Variants in LGR6 observed in about 807,000 individuals in gnomAD.
The protein encoded by LGR6 is leucine rich repeat containing G protein-coupled receptor 6, also known as leucine-rich repeat-containing G protein-coupled receptor 6.
LGR6 carries 45 observed loss-of-function variants against 69.4 expected under a neutral mutation model. The ratio of observed to expected loss-of-function variants is 0.65; its 90% CI spans 0.51 to 0.83. LGR6 has a LOEUF of 0.83. Ranked by LOEUF, LGR6 falls within the 40% of genes least tolerant of loss-of-function variation. The pLI is 0.00. For synonymous variants in LGR6, 538 were observed against 555.0 expected, an observed-to-expected ratio of 0.97 and a Z score of 0.43; for missense variants, 1,108 against 1,246.7, an observed-to-expected ratio of 0.89 and a Z score of 1.68.
Position 202,303,310 on chromosome 1 carries a change from T to C in LGR6, c.961T>C (p.Phe321Leu). Residue 321 changes from phenylalanine to leucine, a missense_variant, in exon 10 of 18, where the codon TTT (phenylalanine) becomes CTT (leucine). Phe to Leu is a conservative substitution (Grantham distance 22). Transcript: ENST00000367278. ...GAATGGTGCCATGGACATCCAGGAG[T>C]TTCCAGATCTCAAAGGCACCACCAG... ...SLNGAMDIQEFPDLKGTTSLE... is the reference protein window; with the variant it reads ...SLNGAMDIQELPDLKGTTSLE... The C allele has an allele frequency of 6.2e-7, 1 of 1,613,874 alleles. No individual in the cohort carries two copies. The highest frequency in any genetic ancestry group is 8.5e-7 in the Non-Finnish European group (1 of 1,179,896).
intron 6 of LGR6, among the ~76,000 whole-genome samples, chr1:202,290,042 G>C (rs1666680586): frequency 6.6e-6 from 1 of 152,196 alleles, no homozygotes; most frequent in African/African-American, 2.4e-5. Flanking sequence ...CAACTTGCAT[G>C]CTGACTTTTG....
intron 1 of LGR6, among the ~76,000 whole-genome samples, chr1:202,201,299 A>C (rs187856537): frequency 9.3e-4 from 141 of 152,330 alleles, no homozygotes; most frequent in African/African-American, 3.2e-3. Context: ...ATGGCCCCCC[A>C]TAGGTTCAGA....
At chr1:202,205,641 A>AAC (rs67852097) in intron 1 of LGR6, among the ~76,000 whole-genome samples, 23 of 133,498 alleles carry the variant, frequency 1.7e-4, no homozygotes, top group South Asian at 5.0e-4. Context: ...ACCTCCTTCA[A>AAC]ACACACACAC....
At chr1:202,221,685 A>G (rs1660164285) in intron 1 of LGR6, among the ~76,000 whole-genome samples, 1 of 152,088 alleles carries the variant, frequency 6.6e-6, no homozygotes, top group African/African-American at 2.4e-5. Flanking sequence ...CATGACACAC[A>G]CATGCCCAGC....
chr1:202,234,079 G>A (rs1661316492), intron 3 of LGR6, among the ~76,000 whole-genome samples: 1 of 152,246 alleles, frequency 6.6e-6, no homozygotes, highest in Non-Finnish European at 1.5e-5. Flanking sequence ...GCATTGGGTG[G>A]AGCCTGGATT....
At chr1:202,317,773 G>T (rs759710716) in intron 17 of LGR6, among the ~76,000 whole-genome samples, 179 bp from the exon 18 acceptor site, 6 of 152,166 alleles carry the variant, frequency 3.9e-5, no homozygotes, top group Admixed American at 6.5e-5. Context: ...CCTCCAACTT[G>T]GAGTTCTCTG....
At chr1:202,313,848 A>G (rs184089092) in intron 16 of LGR6, among the ~76,000 whole-genome samples, 103 of 152,362 alleles carry the variant, frequency 6.8e-4, no homozygotes, top group African/African-American at 2.4e-3. Flanking sequence ...TGCTAGGAAC[A>G]TTCAAATTAT....
chr1:202,318,524 T>C lies in LGR6; in HGVS notation c.2221T>C (p.Ser741Pro), dbSNP rs1313093505. 2 of 1,614,050 alleles carry C rather than the reference T, an allele frequency of 1.2e-6. No individual in the cohort carries two copies. The highest frequency in any genetic ancestry group is 1.7e-6 in the Non-Finnish European group (2 of 1,179,992). Reference protein sequence around the residue: ...GFTVALVMMNSFCFLVVAGAY... With the variant: ...GFTVALVMMNPFCFLVVAGAY... ...CACCGTGGCCCTGGTGATGATGAAC[T>C]CCTTCTGTTTCCTGGTCGTGGCCGG... is the stretch of plus-strand genomic sequence containing the variant. The change falls in exon 18 of 18, where the codon TCC (serine) becomes CCC (proline). Residue 741 changes from serine to proline, a missense_variant. Ser to Pro is a moderately conservative substitution (Grantham distance 74). Transcript: ENST00000367278.
chr1:202,223,466 C>T (rs996783800), intron 1 of LGR6, among the ~76,000 whole-genome samples: 1 of 152,066 alleles, frequency 6.6e-6, no homozygotes, highest in Non-Finnish European at 1.5e-5. Context: ...AGAAAGCACA[C>T]GCATTTCTTG....
chr1:202,245,274 C>T (rs919195286), intron 4 of LGR6, among the ~76,000 whole-genome samples: 2 of 104,528 alleles, frequency 1.9e-5, no homozygotes, highest in Admixed American at 1.5e-4. Flanking sequence ...TTACCACATA[C>T]GTTTGGGGCA....
At chr1:202,287,654 G>A (rs926531085) in intron 6 of LGR6, among the ~76,000 whole-genome samples, 1 of 152,166 alleles carries the variant, frequency 6.6e-6, no homozygotes, top group Non-Finnish European at 1.5e-5. Context: ...AGTGATGGCA[G>A]CTTTACTCCT....
intron 1 of LGR6, among the ~76,000 whole-genome samples, chr1:202,199,391 T>TG (rs1385587673): frequency 6.6e-6 from 1 of 151,176 alleles, no homozygotes; most frequent in Non-Finnish European, 1.5e-5. Context: ...TCGCCGGAGG[T>TG]GGGTGAATGT....
rs927202065 is a variant in LGR6 at position 202,319,387 on chromosome 1, TG to T, written c.*182del. The T allele has an allele frequency of 1.7e-6, 1 of 600,474 alleles. No homozygotes were observed. The highest frequency in any genetic ancestry group is 3.7e-5 in the Admixed American group (1 of 26,906). 37.2% of individuals were successfully genotyped at this position (600,474 alleles called of 1,614,324 possible). A position where few individuals can be genotyped will look rare whatever the true frequency, so the allele number is the denominator to read the frequency against. On this transcript the variant is annotated 3_prime_UTR_variant, in exon 18 of 18. Transcript: ENST00000367278. ...GTGACCATCACCAACGGGTGCCTCT[TG>T]GCCTGGCTTTCCCTTGGCCTTCCTC...
intron 8 of LGR6, 64 bp from the exon 9 acceptor site, chr1:202,301,100 T>G (rs1277443435): frequency 6.8e-7 from 1 of 1,476,630 alleles, no homozygotes; most frequent in African/African-American, 1.4e-5. Context: ...AAGCAGAGAT[T>G]GGCCTTAATC....
intron 5 of LGR6, 76 bp downstream of exon 5, chr1:202,276,597 T>C (rs1665579794): frequency 1.6e-6 from 2 of 1,254,348 alleles, no homozygotes; most frequent in African/African-American, 3.0e-5. Context: ...TTGAGTTGGA[T>C]TGGAGCCTGG....
At chr1:202,315,958 C>T (rs193278175) in intron 17 of LGR6, among the ~76,000 whole-genome samples, 83 of 152,324 alleles carry the variant, frequency 5.4e-4, no homozygotes, top group African/African-American at 1.9e-3. Flanking sequence ...CAAAGTCCAA[C>T]TCGAGCTTGC....
intron 6 of LGR6, among the ~76,000 whole-genome samples, chr1:202,293,655 A>G (rs1483516198): frequency 6.6e-6 from 1 of 152,208 alleles, no homozygotes; most frequent in Non-Finnish European, 1.5e-5. Context: ...AATTAGAGCC[A>G]CAGATTACAT....
At chr1:202,217,839 C>T (rs1438271805) in intron 1 of LGR6, among the ~76,000 whole-genome samples, 1 of 152,228 alleles carries the variant, frequency 6.6e-6, no homozygotes, top group Non-Finnish European at 1.5e-5. Flanking sequence ...TTTAAAAATA[C>T]AGCATTGTTC....
intron 1 of LGR6, among the ~76,000 whole-genome samples, chr1:202,224,777 G>A (rs998221197): frequency 1.3e-5 from 2 of 152,144 alleles, no homozygotes; most frequent in Non-Finnish European, 2.9e-5. Flanking sequence ...TCTATGTTCC[G>A]CCTGGTTTTG....
Sources: gnomAD v4.1 joint callset for allele counts (sites outside exome capture counted in the v4.1 genomes callset) on GRCh38, gnomAD v4.1.1 for gene constraint, MANE v1.5 for transcripts, NCBI Gene and HGNC (gene_info 2026-07-23, HGNC 2026-07-21) for gene names.